Variants in INSL6 observed in about 807,000 individuals in gnomAD.
INSL6 encodes insulin-like peptide INSL6.
A neutral mutation model predicts 9.4 loss-of-function variants in INSL6; 16 were observed. The observed-to-expected ratio is 1.70, with a 90% confidence interval of 1.15 to 2.59. The LOEUF (loss-of-function observed/expected upper bound fraction) is 2.59. Among genes scored for constraint, INSL6 ranks in the 30% most tolerant of loss-of-function variants. The pLI is 0.00. For missense variants in INSL6, 391 were observed against 257.3 expected (o/e 1.52, Z -3.56); for synonymous variants, 154 against 96.9 (o/e 1.59, Z -3.46).
chr9:5,078,593 A>C, the INSL6 span: 3 of 664,158 alleles, frequency 4.5e-6, no homozygotes, highest in African/African-American at 3.7e-5. Context: ...TTAAATTGTT[A>C]GTTAAATCTT....
the INSL6 span, chr9:5,022,160 C>T: frequency 6.2e-7 from 1 of 1,614,148 alleles, no homozygotes; most frequent in Non-Finnish European, 8.5e-7. Flanking sequence ...CTGACCTTTC[C>T]ATCTGGGGAG....
chr9:5,172,846 T>G (rs1033388532), intron 1 of INSL6, among the ~76,000 whole-genome samples: 2 of 151,784 alleles, frequency 1.3e-5, no homozygotes, highest in African/African-American at 4.8e-5. Context: ...GAGAATTGCT[T>G]GAACCCAGGA....
At chr9:5,124,038 T>C (rs771088003) in exon 4 of INSL6, among the ~76,000 whole-genome samples, 2 of 151,688 alleles carry the variant, frequency 1.3e-5, no homozygotes, top group African/African-American at 2.4e-5. Context: ...ATCTCCTTTG[T>C]CCACTTTTTA....
At chr9:5,131,404 T>C (rs926981930) in intron 3 of INSL6, among the ~76,000 whole-genome samples, 2 of 151,478 alleles carry the variant, frequency 1.3e-5, no homozygotes, top group African/African-American at 2.4e-5. Context: ...TAAGAACAAA[T>C]AGCTGAATTC....
chr9:5,166,450 T>G (rs1439332888), intron 1 of INSL6, among the ~76,000 whole-genome samples: 1 of 151,780 alleles, frequency 6.6e-6, no homozygotes, highest in African/African-American at 2.4e-5. Context: ...CTATCCAGAC[T>G]AATCAGGAAC....
chr9:5,102,777 T>G, the INSL6 span, among the ~76,000 whole-genome samples: 1 of 152,214 alleles, frequency 6.6e-6, no homozygotes, highest in East Asian at 1.9e-4. Flanking sequence ...ACCCAGAATT[T>G]CATATCCAGC....
At chr9:5,092,222 G>A in the INSL6 span, among the ~76,000 whole-genome samples, 16 of 152,138 alleles carry the variant, frequency 1.1e-4, no homozygotes, top group Non-Finnish European at 2.1e-4. Flanking sequence ...AGGGCTCAAG[G>A]AGGATTTAGC....
the INSL6 span, among the ~76,000 whole-genome samples, chr9:5,002,304 A>G: frequency 4.6e-5 from 7 of 151,906 alleles, no homozygotes; most frequent in East Asian, 1.9e-4. Context: ...TCTAACCACT[A>G]TTTTAGCTGT....
At chr9:5,104,668 T>G in the INSL6 span, among the ~76,000 whole-genome samples, 1 of 152,224 alleles carries the variant, frequency 6.6e-6, no homozygotes, top group South Asian at 2.1e-4. Context: ...AATAAAATAC[T>G]GGCAAACCCA....
chr9:5,063,928 C>T, the INSL6 span, among the ~76,000 whole-genome samples: 7 of 152,178 alleles, frequency 4.6e-5, no homozygotes, highest in Non-Finnish European at 8.8e-5. Context: ...GAGGCCAAGG[C>T]GGGCGGATCA....
chr9:4,995,782 C>G, the INSL6 span, among the ~76,000 whole-genome samples: 5 of 152,128 alleles, frequency 3.3e-5, no homozygotes, highest in Non-Finnish European at 5.9e-5. Context: ...TTTAGTTATT[C>G]TATTTAATTC....
the INSL6 span, among the ~76,000 whole-genome samples, chr9:5,006,303 G>T: frequency 6.6e-6 from 1 of 152,126 alleles, no homozygotes; most frequent in African/African-American, 2.4e-5. Flanking sequence ...TGTGTTATTG[G>T]TGTATAAGAA....
chr9:5,096,498 G>A, the INSL6 span, among the ~76,000 whole-genome samples: 3 of 152,122 alleles, frequency 2.0e-5, no homozygotes, highest in African/African-American at 7.2e-5. Flanking sequence ...CCCTCCATGT[G>A]GGGGGAGGGT....
At chr9:5,080,716 G>T in the INSL6 span, 2 of 1,455,316 alleles carry the variant, frequency 1.4e-6, no homozygotes, top group South Asian at 1.4e-5. Flanking sequence ...TGATTTTCCA[G>T]CTTTCTATCT....
At chr9:5,112,724 C>A in the INSL6 span, 2 of 757,474 alleles carry the variant, frequency 2.6e-6, no homozygotes, top group East Asian at 3.1e-5. Flanking sequence ...GAACCTGAAT[C>A]CCAAAACAGC....
chr9:5,072,405 A>G, the INSL6 span: 12 of 995,628 alleles, frequency 1.2e-5, no homozygotes, highest in Non-Finnish European at 1.5e-5. Flanking sequence ...GGATTTAAAA[A>G]AATTCTTCCT....
intron 1 of INSL6, among the ~76,000 whole-genome samples, chr9:5,180,370 G>A (rs150818808): frequency 0.012 from 1,762 of 152,266 alleles, 27 homozygotes; most frequent in African/African-American, 0.041. Context: ...GAAGACAACT[G>A]TAAGGTCTGA....
the INSL6 span, chr9:5,080,829 G>A: frequency 1.5e-5 from 7 of 477,136 alleles, no homozygotes; most frequent in African/African-American, 8.3e-5. Context: ...GGCTTTTCAT[G>A]CTTTATACAT....
chr9:5,171,156 T>C (rs763705109), intron 1 of INSL6, among the ~76,000 whole-genome samples: 3 of 152,200 alleles, frequency 2.0e-5, no homozygotes, highest in Non-Finnish European at 4.4e-5. Flanking sequence ...GTTGGCTTCA[T>C]GTCCAGGGTG....
Sources: gnomAD v4.1 joint callset for allele counts (sites outside exome capture counted in the v4.1 genomes callset) on GRCh38, gnomAD v4.1.1 for gene constraint, MANE v1.5 for transcripts, NCBI Gene and HGNC (gene_info 2026-07-23, HGNC 2026-07-21) for gene names.